Variants in MACROD2 observed in about 807,000 individuals in gnomAD.
MACROD2 encodes the protein mono-ADP ribosylhydrolase 2.
In MACROD2, 36 loss-of-function variants were observed where a neutral mutation model predicts 70.4. The observed-to-expected ratio is 0.51, with a 90% CI of 0.39 to 0.68. MACROD2 has a LOEUF of 0.68. Among genes scored for constraint, MACROD2 ranks in the 30% least tolerant of loss-of-function variants. The pLI is 0.00. For synonymous variants in MACROD2, 172 were observed against 178.8 expected (o/e 0.96, Z 0.30); for missense variants, 496 against 538.4 (o/e 0.92, Z 0.78).
intron 3 of MACROD2, among the ~76,000 whole-genome samples, chr20:14,420,061 A>T (rs1188753864): frequency 6.6e-6 from 1 of 151,906 alleles, no homozygotes; most frequent in East Asian, 1.9e-4. Context: ...GGAATTAGTC[A>T]TATGGTATTT....
At chr20:14,880,000 C>G (rs1197873854) in intron 5 of MACROD2, among the ~76,000 whole-genome samples, 3 of 152,108 alleles carry the variant, frequency 2.0e-5, no homozygotes, top group Non-Finnish European at 4.4e-5. Context: ...TTTTTAGCCT[C>G]GTGAGAGCAG....
chr20:14,881,321 C>A (rs1414406470), intron 5 of MACROD2, among the ~76,000 whole-genome samples: 1 of 150,268 alleles, frequency 6.7e-6, no homozygotes, highest in African/African-American at 2.5e-5. Flanking sequence ...AGTTCTACCA[C>A]CTCTGTTGAC....
chr20:14,315,775 G>A (rs935238599), intron 3 of MACROD2, among the ~76,000 whole-genome samples: 6 of 152,080 alleles, frequency 3.9e-5, no homozygotes, highest in Non-Finnish European at 7.4e-5. Context: ...AAAACAATTA[G>A]GGGATTTAAA....
At chr20:15,829,752 G>A (rs1233135042) in intron 8 of MACROD2, among the ~76,000 whole-genome samples, 2 of 152,072 alleles carry the variant, frequency 1.3e-5, no homozygotes, top group Non-Finnish European at 2.9e-5. Flanking sequence ...TTTGGGTGAG[G>A]GTGGCAAGCA....
At chr20:14,460,689 T>G (rs910548569) in intron 3 of MACROD2, among the ~76,000 whole-genome samples, 3 of 152,172 alleles carry the variant, frequency 2.0e-5, no homozygotes, top group African/African-American at 7.2e-5. Context: ...CATGTGGTTT[T>G]TGTCATTGGT....
chr20:14,117,359 C>G (rs1279377272), intron 3 of MACROD2, among the ~76,000 whole-genome samples: 5 of 152,154 alleles, frequency 3.3e-5, no homozygotes, highest in Admixed American at 2.6e-4. Context: ...TTACACAACT[C>G]TGTGTCCTGA....
At chr20:14,158,379 C>T (rs2055134849) in intron 3 of MACROD2, among the ~76,000 whole-genome samples, 1 of 152,052 alleles carries the variant, frequency 6.6e-6, no homozygotes, top group African/African-American at 2.4e-5. Context: ...TCCCATTCAT[C>T]TGCTGTCTTT....
chr20:15,855,126 G>T (rs79143250), intron 8 of MACROD2, among the ~76,000 whole-genome samples: 6 of 152,060 alleles, frequency 3.9e-5, no homozygotes, highest in Admixed American at 6.6e-5. Flanking sequence ...CATTCTCCTC[G>T]TATCACTGAA....
At chr20:15,038,988 G>T (rs1194300369) in intron 5 of MACROD2, among the ~76,000 whole-genome samples, 1 of 152,204 alleles carries the variant, frequency 6.6e-6, no homozygotes, top group Non-Finnish European at 1.5e-5. Context: ...TCAGGGCAAA[G>T]AAGTGATACT....
At chr20:15,504,000 A>G (rs1248465087) in intron 8 of MACROD2, among the ~76,000 whole-genome samples, 1 of 152,244 alleles carries the variant, frequency 6.6e-6, no homozygotes, top group Non-Finnish European at 1.5e-5. Flanking sequence ...CTGTCATATA[A>G]TTGATGAGCT....
intron 13 of MACROD2, among the ~76,000 whole-genome samples, chr20:15,972,872 T>C (rs2066252352): frequency 6.6e-6 from 1 of 151,716 alleles, no homozygotes; most frequent in Non-Finnish European, 1.5e-5. Flanking sequence ...GAAACTACAA[T>C]GACATGCAAA....
At chr20:15,500,777 A>T (rs547647139) in intron 8 of MACROD2, among the ~76,000 whole-genome samples, 1 of 152,276 alleles carries the variant, frequency 6.6e-6, no homozygotes, top group East Asian at 1.9e-4. Flanking sequence ...GTCATTTTCT[A>T]ATTATTGTAA....
At chr20:14,827,656 G>C (rs2072917009) in intron 5 of MACROD2, among the ~76,000 whole-genome samples, 1 of 151,072 alleles carries the variant, frequency 6.6e-6, no homozygotes, top group Non-Finnish European at 1.5e-5. Context: ...ATTAGTAACT[G>C]TGTTTTATTT....
chr20:16,034,728 G>C (rs2067200025), intron 15 of MACROD2, among the ~76,000 whole-genome samples: 1 of 151,658 alleles, frequency 6.6e-6, no homozygotes, highest in Non-Finnish European at 1.5e-5. Flanking sequence ...AAGTTCTTTA[G>C]TGGTGATTTG....
chr20:15,956,043 A>C (rs2065972498), intron 12 of MACROD2, among the ~76,000 whole-genome samples: 1 of 152,204 alleles, frequency 6.6e-6, no homozygotes, highest in African/African-American at 2.4e-5. Flanking sequence ...TAAGTCTGTG[A>C]AACTTGGTGT....
chr20:14,988,073 C>T (rs1455023213), intron 5 of MACROD2, among the ~76,000 whole-genome samples: 1 of 151,756 alleles, frequency 6.6e-6, no homozygotes, highest in Admixed American at 6.6e-5. Flanking sequence ...AAGAGTAAGG[C>T]TATATACAGG....
intron 3 of MACROD2, among the ~76,000 whole-genome samples, chr20:14,215,181 CATATATATTCCATCAT>C (rs1321754644): frequency 5.4e-5 from 8 of 149,296 alleles, no homozygotes; most frequent in Middle Eastern, 3.5e-3. Flanking sequence ...TATTTTCCAT[CATATATATTCCATCAT>C]ATATATATTC....
intron 5 of MACROD2, among the ~76,000 whole-genome samples, chr20:15,063,946 G>C (rs1049706667): frequency 6.6e-6 from 1 of 152,076 alleles, no homozygotes; most frequent in African/African-American, 2.4e-5. Context: ...TTTACTGCTG[G>C]AAATAAGGTT....
At chr20:14,022,433 C>T (rs1569119881) in intron 2 of MACROD2, among the ~76,000 whole-genome samples, 1 of 148,790 alleles carries the variant, frequency 6.7e-6, no homozygotes, top group Non-Finnish European at 1.5e-5. Context: ...GTACTCAGAG[C>T]CCAATTCTTT....
Sources: gnomAD v4.1 joint callset for allele counts (sites outside exome capture counted in the v4.1 genomes callset) on GRCh38, gnomAD v4.1.1 for gene constraint, MANE v1.5 for transcripts, NCBI Gene and HGNC (gene_info 2026-07-23, HGNC 2026-07-21) for gene names.